The following ALDH1L1 variants were observed in gnomAD, a reference collection of about 807,000 sequenced individuals.
ALDH1L1 encodes aldehyde dehydrogenase 1 family member L1.
In ALDH1L1, 68 loss-of-function variants were observed where a neutral mutation model predicts 101.1. The ratio of observed to expected loss-of-function variants is 0.67; its 90% CI spans 0.55 to 0.82. ALDH1L1 has a LOEUF of 0.82. Among genes scored for constraint, ALDH1L1 ranks in the 40% least tolerant of loss-of-function variants. ALDH1L1 has a pLI of 0.00. For synonymous variants in ALDH1L1, 486 were observed against 470.8 expected (o/e 1.03, Z -0.42); for missense variants, 1,087 against 1,172.7 (o/e 0.93, Z 1.07).
chr3:126,131,062 C>T (rs1195640252), intron 13 of ALDH1L1, among the ~76,000 whole-genome samples: 5 of 152,250 alleles, frequency 3.3e-5, no homozygotes, highest in Non-Finnish European at 4.4e-5. Context: ...GACCTGCGGC[C>T]TCAGCCCTGC....
chr3:126,124,157 A>G (rs1576428225), intron 16 of ALDH1L1, among the ~76,000 whole-genome samples: 1 of 151,800 alleles, frequency 6.6e-6, no homozygotes, highest in East Asian at 1.9e-4. Context: ...ACTGGAATAC[A>G]TTCAGCTGGG....
intron 7 of ALDH1L1, 172 bp from the exon 8 acceptor site, chr3:126,150,703 G>C (rs537073993): frequency 1.5e-6 from 1 of 656,614 alleles, no homozygotes; most frequent in East Asian, 4.4e-5. Flanking sequence ...TTACAGGCGC[G>C]CACCACCATG....
intron 10 of ALDH1L1, among the ~76,000 whole-genome samples, 174 bp from the exon 11 acceptor site, chr3:126,137,057 G>A (rs914773803): frequency 2.0e-5 from 3 of 152,226 alleles, no homozygotes; most frequent in Non-Finnish European, 4.4e-5. Flanking sequence ...AGGCCAGGCT[G>A]CCTGGCGGGA....
chr3:126,157,041 A>C (rs369807379), intron 4 of ALDH1L1, among the ~76,000 whole-genome samples: 25 of 152,318 alleles, frequency 1.6e-4, no homozygotes, highest in Non-Finnish European at 3.1e-4. Context: ...TGGATTCAGC[A>C]GGGTGTGACC....
chr3:126,191,158 A>G (rs1576513854), intron 1 of ALDH1L1, among the ~76,000 whole-genome samples: 2 of 152,352 alleles, frequency 1.3e-5, no homozygotes, highest in East Asian at 3.9e-4. Context: ...GCAGAGTGCA[A>G]CAGCTTAGAT....
At chr3:126,143,220 C>T (rs2080603621) in intron 9 of ALDH1L1, among the ~76,000 whole-genome samples, 1 of 152,144 alleles carries the variant, frequency 6.6e-6, no homozygotes, top group Non-Finnish European at 1.5e-5. Flanking sequence ...GTATCATGTT[C>T]ACACCATCAT....
At chr3:126,139,919 C>T (rs1055240304) in intron 9 of ALDH1L1, among the ~76,000 whole-genome samples, 10 of 149,878 alleles carry the variant, frequency 6.7e-5, no homozygotes, top group African/African-American at 2.4e-4. Context: ...TTATAGGATA[C>T]CATGAAACAC....
In ALDH1L1 at chr3:126,180,585, G is replaced by C; in HGVS notation, c.-133C>G. Reference sequence around the variant, plus strand: ...TCCTGGGAGCCAGGAGGTGGGACCTGTCCCCGCCAGTCCGCGAGCTCTGGT... The same window carrying C: ...TCCTGGGAGCCAGGAGGTGGGACCTCTCCCCGCCAGTCCGCGAGCTCTGGT... On this transcript the variant is annotated 5_prime_UTR_variant, in exon 1 of 23. Transcript: ENST00000393434. 8.5e-7 allele frequency: 1 copy of C among 1,182,996 alleles called. No individual in the cohort carries two copies. The highest frequency in any genetic ancestry group is 1.1e-6 in the Non-Finnish European group (1 of 945,648). 73.3% of individuals were successfully genotyped at this position (1,182,996 alleles called of 1,614,324 possible). A position where few individuals can be genotyped will look rare whatever the true frequency, so the allele number is the denominator to read the frequency against.
chr3:126,155,272 G>A lies in ALDH1L1; in HGVS notation c.630+130C>T, dbSNP rs1576467122. On this transcript the variant is annotated intron_variant, in intron 5 of 22. Coordinates refer to ENST00000393434, the MANE Select transcript of ALDH1L1 (RefSeq NM_012190.4). ...TCTTCATGCATCCCTGACCTGGGCT[G>A]CCCTGTGTTCTGGCCTCAAAGAATT... The A allele has an allele frequency of 5.4e-6, 4 of 734,172 alleles. No homozygotes were observed. In the East Asian group the frequency reaches 1.2e-4, roughly 22 times the overall value. The allele number at this position is 734,172 out of a possible 1,614,324, so 45.5% of individuals were successfully genotyped here.
intron 2 of ALDH1L1, among the ~76,000 whole-genome samples, 163 bp downstream of exon 2, chr3:126,160,690 G>A (rs2081026435): frequency 6.6e-6 from 1 of 152,224 alleles, no homozygotes; most frequent in Non-Finnish European, 1.5e-5. Flanking sequence ...CCAGCAGCCT[G>A]TTGGCACTGG....
At chr3:126,110,203 GGA>G in intron 19 of ALDH1L1, 94 bp from the exon 20 acceptor site, 1 of 1,511,178 alleles carries the variant, frequency 6.6e-7, no homozygotes, top group Non-Finnish European at 9.0e-7. Context: ...TGACCCCTGG[GGA>G]AAGTCCACAC....
chr3:126,189,605 G>C (rs2081540637), intron 1 of ALDH1L1, among the ~76,000 whole-genome samples: 1 of 152,204 alleles, frequency 6.6e-6, no homozygotes, highest in Non-Finnish European at 1.5e-5. Context: ...TTTTCCAGAA[G>C]ACCTTGTCTT....
At chr3:126,189,467 C>T (rs9851577) in intron 1 of ALDH1L1, among the ~76,000 whole-genome samples, 54,029 of 151,972 alleles carry the variant, frequency 0.36, 10,357 homozygotes, top group Middle Eastern at 0.49. Flanking sequence ...CTTGAGAGGC[C>T]GTTTGAGCTG....
intron 16 of ALDH1L1, among the ~76,000 whole-genome samples, chr3:126,119,981 A>G (rs987109029): frequency 6.6e-6 from 1 of 152,276 alleles, no homozygotes; most frequent in Non-Finnish European, 1.5e-5. Flanking sequence ...ATGATGCCAG[A>G]TGCTGGGATG....
rs568013775 is a variant in ALDH1L1, at chr3:126,130,109, CTGTT to C, written c.1694+110_1694+113del. 353 of 958,116 alleles carry C rather than the reference CTGTT, an allele frequency of 3.7e-4. No individual in the cohort carries two copies. In the African/African-American group the frequency reaches 3.9e-3, roughly 11 times the overall value. The allele number at this position is 958,116 out of a possible 1,614,324, so 59.4% of individuals were successfully genotyped here. On this transcript the variant is annotated intron_variant, in intron 14 of 22. Coordinates refer to ENST00000393434, the MANE Select transcript of ALDH1L1 (RefSeq NM_012190.4). ...AGGTGCTCAAGAAGCACATGGATGG[CTGTT>C]TGATAAATGCACGCACAGGGTGCTG...
At chr3:126,117,932 C>G in intron 17 of ALDH1L1, 73 bp downstream of exon 17, 1 of 1,417,076 alleles carries the variant, frequency 7.1e-7, no homozygotes, top group Non-Finnish European at 9.8e-7. Flanking sequence ...GGACACAGCT[C>G]CTGGGACAGC....
intron 20 of ALDH1L1, chr3:126,107,862 G>C (rs1945938781): frequency 6.5e-6 from 1 of 152,830 alleles, no homozygotes; most frequent in African/African-American, 2.4e-5. Context: ...CAACTGAAAT[G>C]CTTCCTCTCT....
intron 1 of ALDH1L1, among the ~76,000 whole-genome samples, chr3:126,175,926 T>C (rs2081357931): frequency 1.3e-5 from 2 of 152,162 alleles, no homozygotes; most frequent in Admixed American, 1.3e-4. Flanking sequence ...AAAACATAAT[T>C]GGCTATGTGG....
chr3:126,160,882 G>A lies in ALDH1L1; in HGVS notation c.98C>T (p.Pro33Leu), dbSNP rs1249643572. 1.2e-6 allele frequency: 2 copies of A among 1,614,226 alleles called. No individual in the cohort carries two copies. Among genetic ancestry groups the A allele is most frequent in the African/African-American group, 1.3e-5 (1 of 75,062 alleles). The change falls in exon 2 of 23, where the codon CCA becomes CTA. Residue 33 changes from proline to leucine, a missense_variant. Physicochemically the swap from Pro to Leu is moderately conservative, Grantham distance 98 (BLOSUM62 -3). Around this residue, in one of 2 missense-constraint regions of ALDH1L1, gnomAD observed 645 missense variants for 637.0 expected, o/e 1.01. Coordinates refer to ENST00000393434, the MANE Select transcript of ALDH1L1 (RefSeq NM_012190.4). ...GHEVVGVFTVPDKDGKADPLG... is the reference protein window; with the variant it reads ...GHEVVGVFTVLDKDGKADPLG... ...GGGGTCGGCCTTTCCATCCTTGTCT[G>A]GAACAGTGAACACACCCACCACTTC...
Sources: gnomAD v4.1 joint callset for allele counts (sites outside exome capture counted in the v4.1 genomes callset) on GRCh38, gnomAD v4.1.1 for gene constraint, gnomAD v4.1.1 regional missense constraint, MANE v1.5 for transcripts, NCBI Gene and HGNC (gene_info 2026-07-23, HGNC 2026-07-21) for gene names.